NRG1: variants seen among roughly 807,000 people sequenced by gnomAD.
NRG1 encodes the protein neuregulin 1.
A neutral mutation model predicts 63.8 loss-of-function variants in NRG1; 18 were observed. That is an observed-to-expected ratio of 0.28 (90% CI 0.19 to 0.42). The LOEUF is 0.42. NRG1 is among the 10% of genes least tolerant of loss of function. The pLI, the probability that NRG1 is intolerant of heterozygous loss-of-function variation, is 1.00. For synonymous variants in NRG1, 302 were observed against 301.3 expected (o/e 1.00, Z -0.02); for missense variants, 762 against 814.7 (o/e 0.94, Z 0.79).
chr8:32,288,552 C>T (rs535368681), intron 1 of NRG1, among the ~76,000 whole-genome samples: 4 of 152,218 alleles, frequency 2.6e-5, no homozygotes, highest in South Asian at 4.1e-4. Context: ...ATGGCATGCT[C>T]GAGTGTAGTC....
intron 1 of NRG1, among the ~76,000 whole-genome samples, chr8:32,359,637 T>G (rs1427614072): frequency 6.6e-6 from 1 of 152,182 alleles, no homozygotes; most frequent in African/African-American, 2.4e-5. Flanking sequence ...ATGGCAGTCT[T>G]TTTTTCACTC....
chr8:32,410,123 G>A (rs1814683938), intron 1 of NRG1, among the ~76,000 whole-genome samples: 2 of 149,488 alleles, frequency 1.3e-5, no homozygotes, highest in South Asian at 2.1e-4. Flanking sequence ...ATTGGGCTAA[G>A]TTGTCAGTGA....
chr8:32,071,458 G>A (rs1288359394), intron 1 of NRG1, among the ~76,000 whole-genome samples: 1 of 152,178 alleles, frequency 6.6e-6, no homozygotes, highest in African/African-American at 2.4e-5. Context: ...GCATGAGCTA[G>A]TCTGGTCCTG....
intron 1 of NRG1, among the ~76,000 whole-genome samples, chr8:32,180,724 A>G (rs902413872): frequency 6.6e-6 from 1 of 152,196 alleles, no homozygotes; most frequent in East Asian, 1.9e-4. Flanking sequence ...AGTAATTAAC[A>G]TATGCATTAG....
chr8:31,880,138 G>T (rs1345116015), intron 1 of NRG1, among the ~76,000 whole-genome samples: 1 of 152,120 alleles, frequency 6.6e-6, no homozygotes, highest in Non-Finnish European at 1.5e-5. Context: ...TCCTCAAAGG[G>T]CTAAAAGCAG....
chr8:32,747,581 C>A (rs973964463), intron 7 of NRG1, among the ~76,000 whole-genome samples: 1 of 151,808 alleles, frequency 6.6e-6, no homozygotes, highest in African/African-American at 2.4e-5. Flanking sequence ...GTAACTAAAT[C>A]CCCTAGCTTT....
chr8:31,918,064 C>G (rs1377139316), intron 1 of NRG1, among the ~76,000 whole-genome samples: 1 of 152,110 alleles, frequency 6.6e-6, no homozygotes, highest in Non-Finnish European at 1.5e-5. Context: ...TATCCTGAGA[C>G]TTTGCTGAAG....
At chr8:31,716,643 T>A (rs1232718206) in intron 1 of NRG1, among the ~76,000 whole-genome samples, 7 of 152,226 alleles carry the variant, frequency 4.6e-5, no homozygotes, top group Non-Finnish European at 8.8e-5. Context: ...TTTATTAAAG[T>A]AAATATGTCC....
chr8:32,540,199 G>A (rs1588172494), intron 1 of NRG1, among the ~76,000 whole-genome samples: 2 of 151,838 alleles, frequency 1.3e-5, no homozygotes, highest in East Asian at 3.9e-4. Flanking sequence ...AGGAAGGAGA[G>A]TATGGATTAG....
intron 1 of NRG1, among the ~76,000 whole-genome samples, chr8:32,095,275 G>A (rs1829756543): frequency 6.6e-6 from 1 of 152,158 alleles, no homozygotes; most frequent in Admixed American, 6.5e-5. Context: ...CATGAGCAGA[G>A]ACTGTGTAGG....
intron 7 of NRG1, among the ~76,000 whole-genome samples, chr8:32,743,846 G>T (rs1270992022): frequency 6.6e-6 from 1 of 151,850 alleles, no homozygotes; most frequent in Non-Finnish European, 1.5e-5. Context: ...TTCTGTAAAG[G>T]TTCAGAGAGC....
chr8:31,896,244 C>A (rs1047471915), intron 1 of NRG1, among the ~76,000 whole-genome samples: 3 of 152,116 alleles, frequency 2.0e-5, no homozygotes, highest in African/African-American at 4.8e-5. Context: ...TTAGTAGCAC[C>A]TTTTCATTCA....
chr8:32,514,234 T>C (rs1829552553), intron 1 of NRG1, among the ~76,000 whole-genome samples: 2 of 152,194 alleles, frequency 1.3e-5, no homozygotes. Context: ...CAAACAAGAA[T>C]CATTACATCA....
chr8:32,007,332 CA>C (rs1355262130), intron 1 of NRG1, among the ~76,000 whole-genome samples: 3 of 151,970 alleles, frequency 2.0e-5, no homozygotes, highest in South Asian at 4.2e-4. Flanking sequence ...ATTGATCAGG[CA>C]AATAATCTCA....
At chr8:32,227,960 C>G (rs1407002773) in intron 1 of NRG1, among the ~76,000 whole-genome samples, 1 of 152,138 alleles carries the variant, frequency 6.6e-6, no homozygotes, top group Non-Finnish European at 1.5e-5. Context: ...AAGTTGTTAG[C>G]AATATTTGGT....
At chr8:32,342,058 CCCT>C (rs1182981082) in intron 1 of NRG1, among the ~76,000 whole-genome samples, 4 of 151,818 alleles carry the variant, frequency 2.6e-5, no homozygotes, top group African/African-American at 7.3e-5. Flanking sequence ...TTCTCATACC[CCCT>C]CCTCTTTATT....
rs185153388 is a variant in NRG1 at position 31,961,235 on chromosome 8, G to C, written c.37+321804G>C. On this transcript the variant is annotated intron_variant, in intron 1 of 10. Transcript: ENST00000519301. ...AAAAAGCATTCTCTGTTCTCTTGCT[G>C]TTCCTTTTTGAAGGGTTCAGAAGGT... Among the ~76,000 whole-genome samples, 50 of 152,294 alleles carry C rather than the reference G, an allele frequency of 3.3e-4. No homozygotes were observed. In the East Asian group the frequency reaches 9.5e-3, roughly 29 times the overall value.
chr8:32,064,728 A>G (rs1824462094), intron 1 of NRG1, among the ~76,000 whole-genome samples: 2 of 152,168 alleles, frequency 1.3e-5, no homozygotes, highest in African/African-American at 2.4e-5. Context: ...TCATTTACTT[A>G]TAAGCTATAC....
In NRG1 at chr8:31,640,283, A is replaced by AGGC. The variant is rs770519581; in HGVS notation, c.37+867_37+869dup. On this transcript the variant is annotated intron_variant, in intron 1 of 10. Transcript: ENST00000519301. The surrounding 1 kb of genome is among the most constrained non-coding windows in gnomAD (Gnocchi z 6.3). ...CGGCAGCAGGGGGCACTCGACAGGA[A>AGGC]GGCGGCGGCGGCGGCGGGCGAGGCA... The AGGC allele has an allele frequency of 3.8e-4, 426 of 1,120,206 alleles. No homozygotes were observed. In the East Asian group the frequency reaches 7.5e-3, roughly 20 times the overall value. 69.4% of individuals were successfully genotyped at this position (1,120,206 alleles called of 1,614,324 possible). A position where few individuals can be genotyped will look rare whatever the true frequency, so the allele number is the denominator to read the frequency against.
Sources: allele counts gnomAD v4.1 joint callset (sites outside exome capture counted in the v4.1 genomes callset), GRCh38; gene constraint gnomAD v4.1.1; non-coding constraint Gnocchi (gnomAD v3.1); transcripts MANE v1.5; gene names NCBI Gene and HGNC (gene_info 2026-07-23, HGNC 2026-07-21).